Variants in ASNS observed in about 807,000 individuals in gnomAD.
ASNS encodes asparagine synthetase [glutamine-hydrolyzing].
In ASNS, 37 loss-of-function variants were observed where a neutral mutation model predicts 62.6. That is an observed-to-expected ratio of 0.59 (90% confidence interval 0.45 to 0.78). The LOEUF is 0.78. ASNS is among the 30% of genes least tolerant of loss of function. The probability of loss-of-function intolerance (pLI) is 0.00; values close to 1 mark genes in which losing one functional copy is unlikely to be tolerated. For synonymous variants in ASNS, 207 were observed against 237.9 expected (o/e 0.87, Z 1.19); for missense variants, 520 against 682.4 (o/e 0.76, Z 2.65).
At chr7:97,875,673 G>C (rs1792423012), upstream of ASNS, among the ~76,000 whole-genome samples, 1 of 152,146 alleles carries the variant, frequency 6.6e-6, no homozygotes. Context: ...GGACAAAACG[G>C]ATCACAGAGT....
At chr7:97,872,166 G>C (rs1287871075) in intron 1 of ASNS, 185 bp downstream of exon 1, 1 of 152,330 alleles carries the variant, frequency 6.6e-6, no homozygotes, top group Non-Finnish European at 1.5e-5. Flanking sequence ...CGTAACAATC[G>C]CTAGGCGTCC....
chr7:97,896,705 T>TACAC, the ASNS span, among the ~76,000 whole-genome samples: 2 of 25,304 alleles, frequency 7.9e-5, no homozygotes, highest in Non-Finnish European at 1.7e-4. Flanking sequence ...TATATGTGTA[T>TACAC]ATATATACAC....
At chr7:97,911,735 G>A in the ASNS span, among the ~76,000 whole-genome samples, 2 of 152,110 alleles carry the variant, frequency 1.3e-5, no homozygotes, top group Non-Finnish European at 2.9e-5. Flanking sequence ...CAGAGTACAG[G>A]AAATCAAGAC....
the ASNS span, among the ~76,000 whole-genome samples, chr7:97,878,599 C>A: frequency 6.6e-6 from 1 of 152,134 alleles, no homozygotes; most frequent in East Asian, 1.9e-4. Flanking sequence ...ATGTAAAGGA[C>A]TTCTTCAAGG....
chr7:97,905,632 A>C, the ASNS span, among the ~76,000 whole-genome samples: 8 of 152,228 alleles, frequency 5.3e-5, no homozygotes, highest in African/African-American at 1.9e-4. Context: ...TCACCCCTAG[A>C]TCACTGTATC....
chr7:97,926,729 T>G, the ASNS span, among the ~76,000 whole-genome samples: 1 of 152,188 alleles, frequency 6.6e-6, no homozygotes, highest in Non-Finnish European at 1.5e-5. Context: ...AAGGATGGTT[T>G]CTGTTCAGTT....
At chr7:97,886,241 G>A in the ASNS span, among the ~76,000 whole-genome samples, 5 of 152,178 alleles carry the variant, frequency 3.3e-5, no homozygotes, top group South Asian at 2.1e-4. Context: ...TCCACCTCCC[G>A]GGTTCAAGCG....
the ASNS span, among the ~76,000 whole-genome samples, chr7:97,891,925 T>C: frequency 3.9e-5 from 6 of 152,206 alleles, no homozygotes; most frequent in Non-Finnish European, 7.3e-5. Flanking sequence ...GGTGGCCCTC[T>C]TCTCACAGCT....
chr7:97,892,890 C>T, the ASNS span, among the ~76,000 whole-genome samples: 1 of 152,230 alleles, frequency 6.6e-6, no homozygotes, highest in Non-Finnish European at 1.5e-5. Context: ...CTGTTCCAGC[C>T]TCTGCCTGTT....
chr7:97,916,967 C>G, the ASNS span, among the ~76,000 whole-genome samples: 1 of 152,116 alleles, frequency 6.6e-6, no homozygotes, highest in Non-Finnish European at 1.5e-5. Flanking sequence ...GTGTCCTACC[C>G]CACAGTCTCT....
At chr7:97,852,567 G>A (rs1344965925) in intron 12 of ASNS, 99 bp from the exon 13 acceptor site, 3 of 1,181,720 alleles carry the variant, frequency 2.5e-6, no homozygotes, top group Non-Finnish European at 3.7e-6. Context: ...AGACGTGACT[G>A]TAACTTGTAT....
upstream of ASNS, among the ~76,000 whole-genome samples, chr7:97,873,476 T>C (rs186277496): frequency 1.2e-4 from 18 of 152,324 alleles, no homozygotes; most frequent in Non-Finnish European, 2.9e-5. Context: ...GCTTAGTAGT[T>C]ACAGGCAAGA....
intron 1 of ASNS, among the ~76,000 whole-genome samples, chr7:97,870,685 TA>T (rs1383981024): frequency 6.6e-6 from 1 of 152,222 alleles, no homozygotes; most frequent in Non-Finnish European, 1.5e-5. Flanking sequence ...ATGAGATGAC[TA>T]CTAATAAGCC....
At chr7:97,877,721 A>C in the ASNS span, among the ~76,000 whole-genome samples, 2 of 152,212 alleles carry the variant, frequency 1.3e-5, no homozygotes, top group Admixed American at 6.5e-5. Context: ...TAAGGGTTGA[A>C]TCTCTGAAAC....
chr7:97,909,117 A>G, the ASNS span: 5 of 152,158 alleles, frequency 3.3e-5, no homozygotes, highest in Non-Finnish European at 4.4e-5. Context: ...TTGAAGACCT[A>G]AAAAGAAGCT....
At chr7:97,901,480 A>G in the ASNS span, among the ~76,000 whole-genome samples, 3 of 152,268 alleles carry the variant, frequency 2.0e-5, no homozygotes, top group South Asian at 2.1e-4. Context: ...GGCATGAGCC[A>G]CCATGCCCGA....
chr7:97,914,522 T>C, the ASNS span, among the ~76,000 whole-genome samples: 1 of 133,974 alleles, frequency 7.5e-6, no homozygotes, highest in Non-Finnish European at 1.7e-5. Context: ...GTTGCTGCCA[T>C]GCTAGACAGG....
At chr7:97,909,115 C>G in the ASNS span, 2 of 152,094 alleles carry the variant, frequency 1.3e-5, no homozygotes, top group Non-Finnish European at 2.9e-5. Context: ...GGTTGAAGAC[C>G]TAAAAAGAAG....
chr7:97,909,518 A>G, the ASNS span, among the ~76,000 whole-genome samples: 1 of 149,998 alleles, frequency 6.7e-6, no homozygotes, highest in African/African-American at 2.5e-5. Flanking sequence ...CATGTCGTGC[A>G]GGCTTGTCTC....
Sources: gnomAD v4.1 joint callset for allele counts (sites outside exome capture counted in the v4.1 genomes callset) on GRCh38, gnomAD v4.1.1 for gene constraint, MANE v1.5 for transcripts, NCBI Gene and HGNC (gene_info 2026-07-23, HGNC 2026-07-21) for gene names.